The following KCNMA1 variants were observed in gnomAD, a reference collection of about 807,000 sequenced individuals.
KCNMA1 encodes potassium calcium-activated channel subfamily M alpha 1, also known as Calcium-activated potassium channel subunit alpha-1.
A neutral mutation model predicts 140.0 loss-of-function variants in KCNMA1; 29 were observed. The ratio of observed to expected loss-of-function variants is 0.21; its 90% CI spans 0.15 to 0.28. The LOEUF is 0.28. Ranked by LOEUF, KCNMA1 falls within the 10% of genes least tolerant of loss-of-function variation. KCNMA1 has a pLI of 1.00. For synonymous variants in KCNMA1, 612 were observed against 611.9 expected, an observed-to-expected ratio of 1.00 and a Z score of 0.00; for missense variants, 880 against 1,602.2, an observed-to-expected ratio of 0.55 and a Z score of 7.70.
intron 1 of KCNMA1, among the ~76,000 whole-genome samples, chr10:77,545,604 T>C (rs1458943518): frequency 6.6e-6 from 1 of 152,218 alleles, no homozygotes; most frequent in African/African-American, 2.4e-5. Context: ...CAGTGGGGCA[T>C]GGAGGTGCCC....
intron 1 of KCNMA1, among the ~76,000 whole-genome samples, chr10:77,579,523 G>T (rs117864006): frequency 6.6e-6 from 1 of 152,040 alleles, no homozygotes; most frequent in African/African-American, 2.4e-5. Context: ...TTCATATGTC[G>T]AAAATATAAT....
At position 77,108,441 on chromosome 10, in the gene KCNMA1, C is replaced by T; in HGVS notation, c.1223+40G>A. 1 of 1,604,388 alleles carries T rather than the reference C, an allele frequency of 6.2e-7. No individual in the cohort carries two copies. The highest frequency in any genetic ancestry group is 1.7e-4 in the Middle Eastern group (1 of 6,038). ...AAAAAAATGGCATGCAGAGAGGATT[C>T]TACCGCAGCAGAGGCAGCAAAACCT... On this transcript the variant is annotated intron_variant, in intron 9 of 27. Coordinates refer to ENST00000286628, the MANE Select transcript of KCNMA1 (RefSeq NM_001161352.2). This position sits in a 1 kb window ranked among gnomAD's most constrained non-coding sequence, Gnocchi z 4.6.
intron 2 of KCNMA1, among the ~76,000 whole-genome samples, chr10:77,268,333 A>AAC (rs900008057): frequency 6.6e-6 from 1 of 151,982 alleles, no homozygotes; most frequent in Non-Finnish European, 1.5e-5. Context: ...CACACACTAA[A>AAC]ACACACACAC....
At chr10:77,138,899 G>A (rs902576184) in intron 5 of KCNMA1, among the ~76,000 whole-genome samples, 3 of 152,096 alleles carry the variant, frequency 2.0e-5, no homozygotes, top group African/African-American at 4.8e-5. Context: ...CTGACCACCC[G>A]ATCTGGAGCC....
intron 2 of KCNMA1, among the ~76,000 whole-genome samples, chr10:77,389,361 A>G (rs898645040): frequency 6.6e-6 from 1 of 152,212 alleles, no homozygotes; most frequent in Non-Finnish European, 1.5e-5. Flanking sequence ...TTTTAAATAA[A>G]CATGCCTTTT....
At chr10:77,068,240 G>A (rs1032696346) in intron 14 of KCNMA1, among the ~76,000 whole-genome samples, 3 of 152,158 alleles carry the variant, frequency 2.0e-5, no homozygotes, top group African/African-American at 4.8e-5. Flanking sequence ...CACTTAATAC[G>A]GGATTTAGCA....
intron 14 of KCNMA1, among the ~76,000 whole-genome samples, chr10:77,054,086 A>C (rs563430958): frequency 1.3e-5 from 2 of 152,196 alleles, no homozygotes; most frequent in South Asian, 4.1e-4. Context: ...ATAGTGGTCC[A>C]TGGGTACTTA....
rs199595754 is a variant in KCNMA1, at chr10:76,886,801, G to A, written c.*465C>T. ...TTGGTTGCTTGTTTCAAATAAACAT[G>A]TGCTAACTTATTGTGTGTATAAAAA... On this transcript the variant is annotated 3_prime_UTR_variant, in exon 28 of 28. Coordinates refer to ENST00000286628, the MANE Select transcript of KCNMA1 (RefSeq NM_001161352.2). 4 of 1,046,312 alleles carry A rather than the reference G, an allele frequency of 3.8e-6. No homozygotes were observed. The highest frequency in any genetic ancestry group is 1.6e-4 in the East Asian group (2 of 12,300). The allele number at this position is 1,046,312 out of a possible 1,614,324, so 64.8% of individuals were successfully genotyped here.
intron 5 of KCNMA1, among the ~76,000 whole-genome samples, chr10:77,179,614 G>A (rs1478925098): frequency 3.9e-5 from 6 of 152,048 alleles, no homozygotes; most frequent in Non-Finnish European, 8.8e-5. Context: ...CCCAACCCAG[G>A]CCTCACAACT....
intron 2 of KCNMA1, among the ~76,000 whole-genome samples, chr10:77,366,366 A>G (rs571637970): frequency 6.6e-6 from 1 of 152,180 alleles, no homozygotes; most frequent in South Asian, 2.1e-4. Context: ...ACAGGGTTTC[A>G]CCTTGTTGAC....
At chr10:77,021,644 A>G (rs530233522) in intron 16 of KCNMA1, among the ~76,000 whole-genome samples, 1 of 152,350 alleles carries the variant, frequency 6.6e-6, no homozygotes, top group East Asian at 1.9e-4. Flanking sequence ...CCTTAAATCT[A>G]TGGCTGATTG....
intron 5 of KCNMA1, among the ~76,000 whole-genome samples, chr10:77,181,254 G>A (rs947696343): frequency 4.6e-5 from 7 of 152,156 alleles, no homozygotes; most frequent in Admixed American, 1.3e-4. Context: ...GTGGTTGTTC[G>A]AGTGCACAGG....
At chr10:77,330,765 G>A (rs982076309) in intron 2 of KCNMA1, among the ~76,000 whole-genome samples, 1 of 152,068 alleles carries the variant, frequency 6.6e-6, no homozygotes, top group African/African-American at 2.4e-5. Flanking sequence ...AAGCAGCCAG[G>A]GAGAACTCAA....
intron 19 of KCNMA1, among the ~76,000 whole-genome samples, chr10:76,971,512 T>C (rs901243809): frequency 6.6e-6 from 1 of 152,202 alleles, no homozygotes; most frequent in Admixed American, 6.5e-5. Context: ...GCTGTCAGTT[T>C]GGGCTTGTCT....
intron 1 of KCNMA1, among the ~76,000 whole-genome samples, chr10:77,478,547 T>C (rs1025133371): frequency 1.3e-5 from 2 of 152,172 alleles, no homozygotes; most frequent in Non-Finnish European, 2.9e-5. Flanking sequence ...TGACTAAAGA[T>C]GCAGAAATTC....
chr10:77,286,836 TGA>T (rs1025518933), intron 2 of KCNMA1, among the ~76,000 whole-genome samples: 1 of 151,580 alleles, frequency 6.6e-6, no homozygotes, highest in Non-Finnish European at 1.5e-5. Context: ...CTCTTGAGGT[TGA>T]GTTTCTAAGC....
exon 28 of KCNMA1, chr10:76,871,061 A>G (rs913041908): frequency 1.3e-5 from 2 of 152,270 alleles, no homozygotes. Context: ...TGTAGCCCAC[A>G]AACACATCTG....
chr10:76,963,653 A>AGTT (rs1372851901), intron 20 of KCNMA1, among the ~76,000 whole-genome samples: 3 of 152,166 alleles, frequency 2.0e-5, no homozygotes, highest in Non-Finnish European at 2.9e-5. Flanking sequence ...TTGTGTCAAC[A>AGTT]CTTGATTCTT....
chr10:77,426,455 T>C (rs1049621918), intron 1 of KCNMA1, among the ~76,000 whole-genome samples: 3 of 152,168 alleles, frequency 2.0e-5, no homozygotes, highest in African/African-American at 7.2e-5. Context: ...AAAATAGGCA[T>C]GAGGGGTTAG....
Sources: gnomAD v4.1 joint callset for allele counts (sites outside exome capture counted in the v4.1 genomes callset) on GRCh38, gnomAD v4.1.1 for gene constraint, Gnocchi (gnomAD v3.1) non-coding constraint, MANE v1.5 for transcripts, NCBI Gene and HGNC (gene_info 2026-07-23, HGNC 2026-07-21) for gene names.